CDH13: variants seen among roughly 807,000 people sequenced by gnomAD.
The protein encoded by CDH13 is cadherin-13.
A neutral mutation model predicts 63.8 loss-of-function variants in CDH13; 24 were observed. The observed-to-expected ratio is 0.38, with a 90% CI of 0.27 to 0.53. The LOEUF (loss-of-function observed/expected upper bound fraction) is 0.53. CDH13 is among the 20% of genes least tolerant of loss of function. The probability of loss-of-function intolerance (pLI) is 0.85; values close to 1 mark genes in which losing one functional copy is unlikely to be tolerated. For missense variants in CDH13, 1,049 were observed against 903.1 expected (o/e 1.16, Z -2.07); for synonymous variants, 503 against 355.3 (o/e 1.42, Z -4.67).
chr16:83,285,508 G>C (rs79272862), intron 5 of CDH13, among the ~76,000 whole-genome samples: 58 of 150,994 alleles, frequency 3.8e-4, no homozygotes, highest in African/African-American at 1.4e-3. Context: ...AAAATATTCA[G>C]GGAAAAAAAA....
chr16:82,638,866 T>A (rs1417731072), intron 1 of CDH13, among the ~76,000 whole-genome samples: 1 of 134,464 alleles, frequency 7.4e-6, no homozygotes, highest in Non-Finnish European at 1.6e-5. Context: ...GTGCCATGAG[T>A]ACTTGTTTAA....
intron 5 of CDH13, among the ~76,000 whole-genome samples, chr16:83,249,034 G>T (rs1229089591): frequency 6.6e-6 from 1 of 152,190 alleles, no homozygotes; most frequent in Non-Finnish European, 1.5e-5. Context: ...TGTAGTGTGT[G>T]TTGCAGTCTC....
chr16:83,114,479 A>T (rs892477276), intron 3 of CDH13, among the ~76,000 whole-genome samples: 1 of 152,182 alleles, frequency 6.6e-6, no homozygotes, highest in African/African-American at 2.4e-5. Context: ...ACCAACCATC[A>T]TCTTCTCTGA....
intron 1 of CDH13, among the ~76,000 whole-genome samples, chr16:82,754,941 A>G (rs1236462435): frequency 2.0e-5 from 3 of 152,218 alleles, no homozygotes; most frequent in East Asian, 3.8e-4. Flanking sequence ...TGTGAGAGCA[A>G]TCATGTTTGT....
At chr16:82,681,851 G>A (rs1191038299) in intron 1 of CDH13, among the ~76,000 whole-genome samples, 5 of 152,252 alleles carry the variant, frequency 3.3e-5, no homozygotes, top group Non-Finnish European at 5.9e-5. Context: ...TGCACTCCAG[G>A]TGGGGTCCAG....
Position 83,795,390 on chromosome 16 carries a change from T to G in CDH13, c.*360T>G, listed in dbSNP as rs963426259. On this transcript the variant is annotated 3_prime_UTR_variant, in exon 14 of 14. Transcript: ENST00000567109. ...GTCTGTGGGTTAGTATTGGTGTATG[T>G]ATGAGTATCTGTATGTATATATACA... The G allele has an allele frequency of 7.3e-6, 2 of 275,104 alleles. No individual in the cohort carries two copies. Among genetic ancestry groups the G allele is most frequent in the Non-Finnish European group, 1.4e-5 (2 of 143,204 alleles). The allele number at this position is 275,104 out of a possible 1,614,324, so 17.0% of individuals were successfully genotyped here. A position where few individuals can be genotyped will look rare whatever the true frequency, so the allele number is the denominator to read the frequency against.
rs1435056303 is a variant in CDH13, at chr16:83,563,948, C to G, written c.961-38506C>G. Among the ~76,000 whole-genome samples, 2 of 152,302 alleles carry G rather than the reference C, an allele frequency of 1.3e-5. 1 individual carries two copies. Among genetic ancestry groups the G allele is most frequent in the African/African-American group, 4.8e-5 (2 of 41,566 alleles). On this transcript the variant is annotated intron_variant, in intron 7 of 13. Transcript: ENST00000567109. ...GAGAGATCCAGATCTGAATCTCAGT[C>G]TCTTGTGTCTTCACAGCCTGCCTGT...
At chr16:83,788,775 G>T (rs1385313892) in intron 13 of CDH13, among the ~76,000 whole-genome samples, 1 of 152,160 alleles carries the variant, frequency 6.6e-6, no homozygotes, top group Non-Finnish European at 1.5e-5. Context: ...ATCCCATCTA[G>T]CATCTGATGA....
intron 3 of CDH13, among the ~76,000 whole-genome samples, chr16:83,079,701 C>T (rs73598142): frequency 0.035 from 5,317 of 152,216 alleles, 302 homozygotes; most frequent in African/African-American, 0.12. Context: ...ATGGCATGTA[C>T]GCAAATGTGT....
At chr16:83,036,143 C>CTT (rs34375178) in intron 3 of CDH13, among the ~76,000 whole-genome samples, 158 of 90,722 alleles carry the variant, frequency 1.7e-3, no homozygotes, top group Non-Finnish European at 2.2e-3. Context: ...GAGCTCTCCT[C>CTT]TTTTTTTTTT....
intron 4 of CDH13, among the ~76,000 whole-genome samples, chr16:83,196,363 G>T (rs573055700): frequency 2.0e-5 from 3 of 152,260 alleles, no homozygotes; most frequent in Admixed American, 2.0e-4. Flanking sequence ...AAATCTTAGG[G>T]ATCTAAGGCT....
chr16:83,126,348 A>G (rs1321431249), intron 4 of CDH13, among the ~76,000 whole-genome samples: 2 of 152,190 alleles, frequency 1.3e-5, no homozygotes, highest in Admixed American at 6.5e-5. Flanking sequence ...TGCACAATCT[A>G]AGCTGACCTG....
intron 8 of CDH13, chr16:83,655,056 C>T (rs931238573): frequency 6.6e-6 from 1 of 152,250 alleles, no homozygotes; most frequent in African/African-American, 2.4e-5. Flanking sequence ...AGGACGGAGG[C>T]ATACAAGGCA....
At chr16:82,673,001 T>TTTTTTTC (rs1913461629) in intron 1 of CDH13, among the ~76,000 whole-genome samples, 1 of 101,296 alleles carries the variant, frequency 9.9e-6, no homozygotes. Context: ...AAAGTTTTCT[T>TTTTTTTC]TTTTTTTTTT....
intron 2 of CDH13, among the ~76,000 whole-genome samples, chr16:82,934,924 C>T (rs747086613): frequency 6.6e-6 from 1 of 152,164 alleles, no homozygotes; most frequent in Non-Finnish European, 1.5e-5. Flanking sequence ...CCACATTTTC[C>T]TGTGTTCTTC....
rs1037348116 is a variant in CDH13 at position 82,790,989 on chromosome 16, G to C, written c.46-67373G>C. On this transcript the variant is annotated intron_variant, in intron 1 of 13. Transcript: ENST00000567109. ...CTGGTGGCTCACGCCTGTAATCCCA[G>C]CACTTTGGGAGGCCGAGGCGGGCAG... Among the ~76,000 whole-genome samples the C allele has an allele frequency of 2.6e-5, 4 of 152,190 alleles. No homozygotes were observed. The East Asian group carries it at 5.8e-4, about 22-fold the overall frequency.
intron 4 of CDH13, among the ~76,000 whole-genome samples, chr16:83,212,255 C>T (rs1045450171): frequency 6.3e-5 from 9 of 142,650 alleles, no homozygotes; most frequent in African/African-American, 2.5e-4. Flanking sequence ...CATTGCATAC[C>T]TCCCATCCCC....
In CDH13 at chr16:83,590,409, A is replaced by G. The variant is rs985983884; in HGVS notation, c.961-12045A>G. Among the ~76,000 whole-genome samples, 7 of 152,158 alleles carry G rather than the reference A, an allele frequency of 4.6e-5. No individual in the cohort carries two copies. In the East Asian group the frequency reaches 5.8e-4, roughly 13 times the overall value. On this transcript the variant is annotated intron_variant, in intron 7 of 13. Transcript: ENST00000567109. ...TTGAGGTAAGAGAGAGGGAATTGCT[A>G]CAGAGACTCCCAGGGGCCGGCTGGA...
chr16:82,948,113 C>A (rs1291632608), intron 2 of CDH13, among the ~76,000 whole-genome samples: 1 of 152,100 alleles, frequency 6.6e-6, no homozygotes. Context: ...AAGCCGGTAA[C>A]TCTAACGTTA....
Sources: allele counts gnomAD v4.1 joint callset (sites outside exome capture counted in the v4.1 genomes callset), GRCh38; gene constraint gnomAD v4.1.1; transcripts MANE v1.5; gene names NCBI Gene and HGNC (gene_info 2026-07-23, HGNC 2026-07-21).